WDR41: variants seen among roughly 807,000 people sequenced by gnomAD.
WDR41 encodes WD repeat domain 41.
In WDR41, 63 loss-of-function variants were observed where a neutral mutation model predicts 69.3. The observed-to-expected ratio is 0.91, with a 90% CI of 0.74 to 1.12. WDR41 has a LOEUF of 1.12. Among genes scored for constraint, WDR41 ranks in the 50% most tolerant of loss-of-function variants. WDR41 has a pLI of 0.00. For synonymous variants in WDR41, 185 were observed against 192.1 expected, an observed-to-expected ratio of 0.96 and a Z score of 0.31; for missense variants, 543 against 534.5, an observed-to-expected ratio of 1.02 and a Z score of -0.16.
chr5:77,476,243 C>A (rs1800923905), intron 2 of WDR41, among the ~76,000 whole-genome samples: 1 of 152,082 alleles, frequency 6.6e-6, no homozygotes. Context: ...AACTGGAAAA[C>A]ACTCTGCAGG....
At chr5:77,483,497 T>C (rs1199692911) in intron 2 of WDR41, among the ~76,000 whole-genome samples, 1 of 146,160 alleles carries the variant, frequency 6.8e-6, no homozygotes, top group African/African-American at 2.6e-5. Context: ...TGTGTGTGTG[T>C]GTGTGTGTGT....
intron 1 of WDR41, among the ~76,000 whole-genome samples, chr5:77,531,666 T>C (rs1342633041): frequency 6.6e-6 from 1 of 152,022 alleles, no homozygotes; most frequent in Non-Finnish European, 1.5e-5. Flanking sequence ...CAGGTACTCA[T>C]ACGAATATTT....
In WDR41 at chr5:77,582,970, A is replaced by G; in HGVS notation, c.42+37509T>C. 5 of 1,606,806 alleles carry G rather than the reference A, an allele frequency of 3.1e-6. No individual in the cohort carries two copies. The South Asian group carries it at 5.5e-5, about 18-fold the overall frequency. ...GATTCATGAGATCTATACTGTTGGA[A>G]AACGCTTCAAAGAGGCAAATAACTT... On this transcript the variant is annotated intron_variant, in intron 1 of 5. Coordinates refer to the WDR41 transcript ENST00000509971.
At chr5:77,441,662 T>C (rs1271330372) in intron 8 of WDR41, among the ~76,000 whole-genome samples, 2 of 151,972 alleles carry the variant, frequency 1.3e-5, no homozygotes, top group African/African-American at 4.8e-5. Flanking sequence ...TGCTTGAACC[T>C]GGGACGCAGA....
At chr5:77,492,536 C>T (rs529969403), upstream of WDR41, 16 of 346,128 alleles carry the variant, frequency 4.6e-5, no homozygotes, top group African/African-American at 1.7e-4. Context: ...CGCCGGGTAG[C>T]GCACGGAGCT....
intron 4 of WDR41, among the ~76,000 whole-genome samples, chr5:77,460,460 A>T (rs1223180075): frequency 6.6e-6 from 1 of 152,318 alleles, no homozygotes. Flanking sequence ...ATTCACAAGC[A>T]GAACATTTAA....
chr5:77,610,608 G>A (rs1271203323), intron 1 of WDR41, among the ~76,000 whole-genome samples: 1 of 152,034 alleles, frequency 6.6e-6, no homozygotes, highest in African/African-American at 2.4e-5. Flanking sequence ...CAAATGCTGA[G>A]AGATTTTGTC....
intron 1 of WDR41, among the ~76,000 whole-genome samples, chr5:77,535,399 G>A (rs956009758): frequency 6.6e-6 from 1 of 152,114 alleles, no homozygotes; most frequent in Admixed American, 6.6e-5. Flanking sequence ...AGACCTTAAG[G>A]TAACAACAAA....
chr5:77,573,788 C>T (rs1743775812), intron 1 of WDR41, among the ~76,000 whole-genome samples: 1 of 152,200 alleles, frequency 6.6e-6, no homozygotes, highest in South Asian at 2.1e-4. Flanking sequence ...ACTACTCCAC[C>T]CCTTTCCAAT....
intron 1 of WDR41, among the ~76,000 whole-genome samples, chr5:77,596,853 G>A (rs1038488156): frequency 1.3e-5 from 2 of 152,104 alleles, no homozygotes. Flanking sequence ...AGTGGCTCAT[G>A]CTTGTAATCC....
intron 1 of WDR41, among the ~76,000 whole-genome samples, chr5:77,552,701 G>GA (rs1164439523): frequency 3.3e-5 from 5 of 152,146 alleles, no homozygotes; most frequent in Non-Finnish European, 7.3e-5. Context: ...GTAGACACAT[G>GA]AATCAACGGA....
At chr5:77,524,368 GC>G (rs1186857431) in intron 1 of WDR41, among the ~76,000 whole-genome samples, 2 of 152,144 alleles carry the variant, frequency 1.3e-5, no homozygotes, top group Non-Finnish European at 2.9e-5. Context: ...CAGCAGGATA[GC>G]TTGAGGCCAG....
intron 2 of WDR41, among the ~76,000 whole-genome samples, chr5:77,488,672 G>C (rs142902792): frequency 2.4e-3 from 362 of 152,250 alleles, no homozygotes; most frequent in Non-Finnish European, 3.7e-3. Flanking sequence ...GTAGTCTGGA[G>C]AGTCATTCAT....
intron 11 of WDR41, 53 bp from the exon 12 acceptor site, chr5:77,436,447 GA>G: frequency 1.3e-6 from 2 of 1,589,256 alleles, no homozygotes; most frequent in Non-Finnish European, 1.7e-6. Context: ...ACAATAACAT[GA>G]GATCAGAAAA....
chr5:77,485,958 C>A (rs2112097323), intron 2 of WDR41, among the ~76,000 whole-genome samples: 1 of 151,888 alleles, frequency 6.6e-6, no homozygotes, highest in East Asian at 1.9e-4. Flanking sequence ...AAAAAAAACC[C>A]AGAGTGTAAT....
chr5:77,543,055 A>G (rs1458107822), intron 1 of WDR41, among the ~76,000 whole-genome samples: 1 of 152,172 alleles, frequency 6.6e-6, no homozygotes, highest in African/African-American at 2.4e-5. Flanking sequence ...AAGAGAGATA[A>G]CAATCACTAC....
intron 1 of WDR41, among the ~76,000 whole-genome samples, chr5:77,546,696 AAAG>A (rs1205568337): frequency 6.6e-6 from 1 of 152,168 alleles, no homozygotes; most frequent in African/African-American, 2.4e-5. Context: ...CCAGAGGTTC[AAAG>A]AAGAATTGGT....
chr5:77,610,739 T>C (rs974114703), intron 1 of WDR41, among the ~76,000 whole-genome samples: 13 of 152,118 alleles, frequency 8.5e-5, no homozygotes, highest in African/African-American at 3.1e-4. Context: ...AGGAAGAAAC[T>C]GCATCAACTA....
At chr5:77,509,580 T>G (rs1024081952) in intron 1 of WDR41, among the ~76,000 whole-genome samples, 3 of 152,066 alleles carry the variant, frequency 2.0e-5, no homozygotes, top group Admixed American at 6.5e-5. Context: ...ATTAGCGAAG[T>G]GAAAGAAGGC....
Sources: allele counts gnomAD v4.1 joint callset (sites outside exome capture counted in the v4.1 genomes callset), GRCh38; gene constraint gnomAD v4.1.1; transcripts MANE v1.5; gene names NCBI Gene and HGNC (gene_info 2026-07-23, HGNC 2026-07-21).